The following ENDOD1 variants were observed in gnomAD, a reference collection of about 807,000 sequenced individuals.
ENDOD1 encodes the protein endonuclease domain-containing 1 protein.
ENDOD1 carries 9 observed loss-of-function variants against 6.5 expected under a neutral mutation model. That is an observed-to-expected ratio of 1.39 (90% CI 0.84 to 2.43). The LOEUF (loss-of-function observed/expected upper bound fraction) is 2.43. ENDOD1 is among the 30% of genes most tolerant of loss of function. ENDOD1 has a pLI of 0.00. For synonymous variants in ENDOD1, 255 were observed against 255.2 expected (o/e 1.00, Z 0.01); for missense variants, 648 against 635.5 (o/e 1.02, Z -0.21).
At position 95,129,246 on chromosome 11, in the gene ENDOD1, T is replaced by C; in HGVS notation, c.1170T>C (p.Ile390=). Residue 390 remains isoleucine, a synonymous_variant, in exon 2 of 2, where the codon ATT becomes ATC. Transcript: ENST00000278505. ...GSATISYFMA[I]GEELVSIPWK... ...CCACCATCTCATACTTCATGGCCAT[T>C]GGGGAAGAGTTGGTGAGCATTCCCT... 6.2e-7 allele frequency: 1 copy of C among 1,614,102 alleles called. No homozygotes were observed. Among genetic ancestry groups the C allele is most frequent in the Non-Finnish European group, 8.5e-7 (1 of 1,179,984 alleles).
intron 1 of ENDOD1, among the ~76,000 whole-genome samples, chr11:95,127,668 G>A (rs761391765): frequency 6.6e-6 from 1 of 152,166 alleles, no homozygotes; most frequent in Non-Finnish European, 1.5e-5. Context: ...GGCCTGTTGA[G>A]ATCTACTCTC....
intron 1 of ENDOD1, among the ~76,000 whole-genome samples, chr11:95,109,862 A>C (rs1859129851): frequency 6.6e-6 from 1 of 152,202 alleles, no homozygotes; most frequent in Non-Finnish European, 1.5e-5. Context: ...CCTTGGGCCC[A>C]TGCCCACCTG....
At chr11:95,116,238 A>G (rs533800750) in intron 1 of ENDOD1, among the ~76,000 whole-genome samples, 2 of 152,230 alleles carry the variant, frequency 1.3e-5, no homozygotes, top group East Asian at 3.9e-4. Context: ...ATGCCTAGGA[A>G]TTTGTCCATT....
intron 1 of ENDOD1, among the ~76,000 whole-genome samples, chr11:95,115,236 A>C (rs1555112369): frequency 6.6e-6 from 1 of 152,030 alleles, no homozygotes; most frequent in Non-Finnish European, 1.5e-5. Context: ...CTAGGTATTT[A>C]CTTTGATTTT....
At chr11:95,116,899 C>A (rs190478928) in intron 1 of ENDOD1, among the ~76,000 whole-genome samples, 1 of 152,128 alleles carries the variant, frequency 6.6e-6, no homozygotes, top group Non-Finnish European at 1.5e-5. Flanking sequence ...TGTTTTGCGA[C>A]CTATCACATG....
At position 95,132,271 on chromosome 11, in the gene ENDOD1, G is replaced by C. The variant is rs543206674; in HGVS notation, c.*2692G>C. On this transcript the variant is annotated 3_prime_UTR_variant, in exon 2 of 2. Transcript: ENST00000278505. ...TCTTCTCACTCAGCATCAGCACTTC[G>C]ATCTAAATGCAGACTAGGTAGTTGG... The C allele has an allele frequency of 6.6e-6, 1 of 152,578 alleles. No homozygotes were observed. The highest frequency in any genetic ancestry group is 1.5e-5 in the Non-Finnish European group (1 of 68,040). 9.5% of individuals were successfully genotyped at this position (152,578 alleles called of 1,614,324 possible). A position where few individuals can be genotyped will look rare whatever the true frequency, so the allele number is the denominator to read the frequency against.
intron 1 of ENDOD1, among the ~76,000 whole-genome samples, chr11:95,126,357 T>C (rs140099241): frequency 3.2e-4 from 48 of 152,328 alleles, no homozygotes; most frequent in Middle Eastern, 3.4e-3. Context: ...GCACCGATTT[T>C]AGGGAATCAG....
chr11:95,128,431 A>C lies in ENDOD1; in HGVS notation c.355A>C (p.Thr119Pro), dbSNP rs1591021938. ...GGCGATTAATGAGGCAGAGGCCATC[A>C]CCTCTGTGAACAGCCTGGGAAGCAA... ...EEAINEAEAI[T>P]SVNSLGSKQA... The change falls in exon 2 of 2, where the codon ACC (threonine) becomes CCC (proline). Residue 119 changes from threonine to proline, a missense_variant. Thr to Pro is a conservative substitution (Grantham distance 38, BLOSUM62 -1). Coordinates refer to ENST00000278505, the MANE Select transcript of ENDOD1 (RefSeq NM_015036.3). 6.2e-7 allele frequency: 1 copy of C among 1,614,004 alleles called. No homozygotes were observed. The highest frequency in any genetic ancestry group is 2.2e-5 in the East Asian group (1 of 44,862).
In ENDOD1 at chr11:95,132,535, T is replaced by C. The variant is rs1859381141; in HGVS notation, c.*2956T>C. The C allele has an allele frequency of 6.6e-6, 1 of 152,180 alleles. No individual in the cohort carries two copies. Among genetic ancestry groups the C allele is most frequent in the Admixed American group, 6.5e-5 (1 of 15,286 alleles). 9.4% of individuals were successfully genotyped at this position (152,180 alleles called of 1,614,324 possible). A position where few individuals can be genotyped will look rare whatever the true frequency, so the allele number is the denominator to read the frequency against. On this transcript the variant is annotated 3_prime_UTR_variant, in exon 2 of 2. Transcript: ENST00000278505. ...CAGAGGAAGAAAAACCACGAAACCA[T>C]GGAAATTAGGGAAGCCTTTACAGAG...
chr11:95,105,513 C>T (rs573591011), intron 1 of ENDOD1, among the ~76,000 whole-genome samples: 10 of 152,206 alleles, frequency 6.6e-5, no homozygotes, highest in Middle Eastern at 3.4e-3. Flanking sequence ...TTTGCGGTGC[C>T]TAACAGCCCA....
At chr11:95,122,588 T>TCACA (rs1859272051) in intron 1 of ENDOD1, among the ~76,000 whole-genome samples, 1 of 43,108 alleles carries the variant, frequency 2.3e-5, no homozygotes, top group Non-Finnish European at 5.0e-5. Context: ...GGCATTTAAG[T>TCACA]TACACACACA....
At chr11:95,091,464 A>T (rs1049673899) in intron 1 of ENDOD1, among the ~76,000 whole-genome samples, 1 of 152,216 alleles carries the variant, frequency 6.6e-6, no homozygotes, top group African/African-American at 2.4e-5. Context: ...TGTGAAAAAG[A>T]CGTTGTCAGT....
intron 1 of ENDOD1, among the ~76,000 whole-genome samples, chr11:95,101,761 C>A (rs1177672928): frequency 3.9e-5 from 6 of 152,152 alleles, no homozygotes; most frequent in African/African-American, 1.4e-4. Context: ...ATCTAATAAG[C>A]CCCTCAAACA....
chr11:95,108,534 C>CACACACACAAAAAAA (rs1176686943), intron 1 of ENDOD1, among the ~76,000 whole-genome samples: 3 of 141,756 alleles, frequency 2.1e-5, no homozygotes, highest in African/African-American at 7.6e-5. Flanking sequence ...CACAGACACC[C>CACACACACAAAAAAA]AAAAAAAGAA....
At chr11:95,107,255 A>G (rs548265072) in intron 1 of ENDOD1, among the ~76,000 whole-genome samples, 132 of 151,326 alleles carry the variant, frequency 8.7e-4, no homozygotes, top group Non-Finnish European at 1.7e-3. Context: ...AATGGCGTGA[A>G]CCTAGGAGGC....
Position 95,100,180 on chromosome 11 carries a change from C to T in ENDOD1, c.300+9953C>T, listed in dbSNP as rs139873354. Among the ~76,000 whole-genome samples the T allele has an allele frequency of 1.6e-4, 25 of 152,268 alleles. 1 individual carries two copies. Among genetic ancestry groups the T allele is most frequent in the African/African-American group, 3.1e-4 (13 of 41,542 alleles). On this transcript the variant is annotated intron_variant, in intron 1 of 1. Transcript: ENST00000278505. ...TTAGTGGACAGACTTCCCTCCTATA[C>T]GAGTCCTGCACAGACTTATCTGAAC...
chr11:95,129,070 A>T lies in ENDOD1; in HGVS notation c.994A>T (p.Met332Leu). Residue 332 changes from methionine (M) to leucine (L), a missense_variant, in exon 2 of 2, where the codon ATG becomes TTG. Physicochemically the swap from Met to Leu is conservative, Grantham distance 15 (BLOSUM62 2). Transcript: ENST00000278505. ...AAGTAGTAGCTTTTTGGGAAAACTC[A>T]TGGGCTTCATTGCTACCCCATTCAT... ...EGSSSFLGKL[M>L]GFIATPFIKL... 23 of 1,614,042 alleles carry T rather than the reference A, an allele frequency of 1.4e-5. No individual in the cohort carries two copies. The highest frequency in any genetic ancestry group is 1.9e-5 in the Non-Finnish European group (23 of 1,180,018).
chr11:95,099,808 G>T (rs1859020830), intron 1 of ENDOD1, among the ~76,000 whole-genome samples: 1 of 152,184 alleles, frequency 6.6e-6, no homozygotes, highest in African/African-American at 2.4e-5. Flanking sequence ...TTTGTGAGAT[G>T]GCAGCACTGG....
chr11:95,104,113 T>G (rs1555111197), intron 1 of ENDOD1, among the ~76,000 whole-genome samples: 1 of 152,198 alleles, frequency 6.6e-6, no homozygotes, highest in African/African-American at 2.4e-5. Context: ...CTTTGTCCCC[T>G]GGGTTGCCCC....
Sources: allele counts gnomAD v4.1 joint callset (sites outside exome capture counted in the v4.1 genomes callset), GRCh38; gene constraint gnomAD v4.1.1; transcripts MANE v1.5; gene names NCBI Gene and HGNC (gene_info 2026-07-23, HGNC 2026-07-21).